NSMCE2: variants seen among roughly 807,000 people sequenced by gnomAD.
The protein encoded by NSMCE2 is E3 SUMO-protein ligase NSE2.
NSMCE2 carries 24 observed loss-of-function variants against 23.8 expected under a neutral mutation model. That is an observed-to-expected ratio of 1.01 (90% confidence interval 0.73 to 1.42). The LOEUF is 1.42. Among genes scored for constraint, NSMCE2 ranks in the 40% most tolerant of loss-of-function variants. The probability of loss-of-function intolerance (pLI) is 0.00; values close to 1 mark genes in which losing one functional copy is unlikely to be tolerated. For synonymous variants in NSMCE2, 92 were observed against 94.1 expected, an observed-to-expected ratio of 0.98 and a Z score of 0.13; for missense variants, 284 against 296.5, an observed-to-expected ratio of 0.96 and a Z score of 0.31.
intron 7 of NSMCE2, among the ~76,000 whole-genome samples, chr8:125,366,265 G>T (rs1057289066): frequency 2.0e-5 from 3 of 152,224 alleles, no homozygotes; most frequent in African/African-American, 7.2e-5. Context: ...CATAGGCTGG[G>T]CGCGGTGGCT....
rs147800368 is a variant in NSMCE2 at position 125,229,974 on chromosome 8, T to G, written c.418+47718T>G. ...TTAAAAATTTAATTTTCAAGATCTG[T>G]AAATATTTAGTTGAGAATCAAATGA... On this transcript the variant is annotated intron_variant, in intron 5 of 7. Transcript: ENST00000287437. 4.0e-4 allele frequency among the ~76,000 whole-genome samples: 61 copies of G among 152,322 alleles called. No homozygotes were observed. The East Asian group carries it at 0.011, about 27-fold the overall frequency.
Position 125,151,286 on chromosome 8 carries a change from A to G in NSMCE2, c.264+9A>G. On this transcript the variant is annotated intron_variant, in intron 4 of 7. Transcript: ENST00000287437. ...AATCTACAATAAATCATGTAAGTTT[A>G]TACCACTCCCTGGTTATATATTTGG... The G allele has an allele frequency of 1.5e-6, 2 of 1,360,368 alleles. No homozygotes were observed. Among genetic ancestry groups the G allele is most frequent in the African/African-American group, 2.8e-5 (2 of 70,314 alleles). 84.3% of individuals were successfully genotyped at this position (1,360,368 alleles called of 1,614,324 possible).
intron 5 of NSMCE2, among the ~76,000 whole-genome samples, chr8:125,275,382 G>C (rs1827409551): frequency 6.6e-6 from 1 of 152,074 alleles, no homozygotes; most frequent in African/African-American, 2.4e-5. Flanking sequence ...AAACTATCTT[G>C]CCGAGTGGGC....
At chr8:125,128,422 A>T (rs913146084) in intron 3 of NSMCE2, among the ~76,000 whole-genome samples, 1 of 152,180 alleles carries the variant, frequency 6.6e-6, no homozygotes, top group African/African-American at 2.4e-5. Context: ...ATGAAACTTG[A>T]TGGTTTATTG....
intron 4 of NSMCE2, among the ~76,000 whole-genome samples, chr8:125,155,466 G>A (rs545375161): frequency 6.6e-6 from 1 of 152,308 alleles, no homozygotes; most frequent in South Asian, 2.1e-4. Flanking sequence ...TTATAGAATA[G>A]TTGAGTAACC....
At chr8:125,357,629 T>G in intron 6 of NSMCE2, 83 bp from the exon 7 acceptor site, 1 of 994,594 alleles carries the variant, frequency 1.0e-6, no homozygotes, top group South Asian at 1.4e-5. Context: ...AAGTTAAACA[T>G]AGAAAGCTCA....
intron 3 of NSMCE2, among the ~76,000 whole-genome samples, chr8:125,148,061 C>T (rs2130660682): frequency 6.6e-6 from 1 of 152,272 alleles, no homozygotes; most frequent in East Asian, 1.9e-4. Context: ...CTGTGATCCT[C>T]AGTTCTTTTT....
At chr8:125,322,387 A>G (rs933975986) in intron 5 of NSMCE2, among the ~76,000 whole-genome samples, 3 of 152,248 alleles carry the variant, frequency 2.0e-5, no homozygotes, top group Admixed American at 2.0e-4. Flanking sequence ...TGATCATCTC[A>G]ATAGATGCAG....
At chr8:125,297,667 G>GAAAA (rs766647323) in intron 5 of NSMCE2, among the ~76,000 whole-genome samples, 1 of 122,646 alleles carries the variant, frequency 8.2e-6, no homozygotes, top group South Asian at 2.5e-4. Context: ...CTTGTCTCTA[G>GAAAA]AAAAAAAAAA....
At chr8:125,098,567 C>T (rs543912335) in intron 1 of NSMCE2, among the ~76,000 whole-genome samples, 2 of 152,058 alleles carry the variant, frequency 1.3e-5, no homozygotes, top group Admixed American at 6.5e-5. Flanking sequence ...GTAATTCAGG[C>T]AAGAGATGAT....
At chr8:125,363,066 T>C (rs1813624804) in intron 7 of NSMCE2, 1 of 152,244 alleles carries the variant, frequency 6.6e-6, no homozygotes, top group Non-Finnish European at 1.5e-5. Flanking sequence ...TATTCAGGGT[T>C]ATGTTTTAAG....
intron 3 of NSMCE2, among the ~76,000 whole-genome samples, chr8:125,133,842 G>A (rs185643433): frequency 1.9e-4 from 29 of 150,408 alleles, no homozygotes; most frequent in East Asian, 1.2e-3. Flanking sequence ...CAGAGAAAAC[G>A]CCGTTTATGA....
intron 5 of NSMCE2, among the ~76,000 whole-genome samples, chr8:125,235,330 T>C (rs1179730999): frequency 6.6e-6 from 1 of 152,196 alleles, no homozygotes; most frequent in Non-Finnish European, 1.5e-5. Context: ...CATTATCATA[T>C]CTATTTGCCC....
intron 7 of NSMCE2, among the ~76,000 whole-genome samples, chr8:125,362,715 G>A (rs1813611114): frequency 6.6e-6 from 1 of 152,238 alleles, no homozygotes. Context: ...AATTCTGTCA[G>A]TAGGCCATCC....
chr8:125,098,611 G>A (rs1280813298), intron 1 of NSMCE2, among the ~76,000 whole-genome samples: 2 of 152,130 alleles, frequency 1.3e-5, no homozygotes, highest in Non-Finnish European at 2.9e-5. Flanking sequence ...CAGAATTGGT[G>A]AGAGTGGTTG....
intron 5 of NSMCE2, among the ~76,000 whole-genome samples, chr8:125,222,675 C>T (rs1318884765): frequency 6.6e-6 from 1 of 152,158 alleles, no homozygotes; most frequent in Non-Finnish European, 1.5e-5. Flanking sequence ...CAGGTTCATC[C>T]ATGTTGTTGC....
intron 1 of NSMCE2, among the ~76,000 whole-genome samples, chr8:125,100,014 A>C (rs1039703989): frequency 6.6e-5 from 10 of 152,004 alleles, no homozygotes; most frequent in Non-Finnish European, 1.5e-4. Flanking sequence ...GATCTAGTGG[A>C]TAATTGGAGT....
chr8:125,280,367 AT>A (rs553913409), intron 5 of NSMCE2, among the ~76,000 whole-genome samples: 339 of 152,318 alleles, frequency 2.2e-3, no homozygotes, highest in African/African-American at 7.7e-3. Context: ...TTCTAAACTA[AT>A]GAAATGTCCT....
chr8:125,259,798 T>C (rs1826608613), intron 5 of NSMCE2, among the ~76,000 whole-genome samples: 1 of 152,190 alleles, frequency 6.6e-6, no homozygotes, highest in East Asian at 1.9e-4. Flanking sequence ...TGTTATCTCA[T>C]TCATAGGTCA....
Sources: gnomAD v4.1 joint callset for allele counts (sites outside exome capture counted in the v4.1 genomes callset) on GRCh38, gnomAD v4.1.1 for gene constraint, MANE v1.5 for transcripts, NCBI Gene and HGNC (gene_info 2026-07-23, HGNC 2026-07-21) for gene names.